Variants in SORCS3 observed in about 807,000 individuals in gnomAD.
The protein encoded by SORCS3 is VPS10 domain-containing receptor SorCS3.
Under a neutral mutation model 146.3 loss-of-function variants are expected in SORCS3, and 57 were observed. The observed-to-expected ratio is 0.39, with a 90% CI of 0.31 to 0.49. SORCS3 has a LOEUF of 0.49. Ranked by LOEUF, SORCS3 falls within the 20% of genes least tolerant of loss-of-function variation. The pLI is 0.92. For synonymous variants in SORCS3, 653 were observed against 618.5 expected (o/e 1.06, Z -0.83); for missense variants, 1,341 against 1,575.5 (o/e 0.85, Z 2.52).
chr10:104,923,653 A>G (rs988001346), intron 3 of SORCS3, among the ~76,000 whole-genome samples: 2 of 152,178 alleles, frequency 1.3e-5, no homozygotes, highest in African/African-American at 4.8e-5. Flanking sequence ...AGAGGACACC[A>G]AGTGTTGCAA....
intron 4 of SORCS3, among the ~76,000 whole-genome samples, chr10:104,995,002 A>G (rs900306793): frequency 1.3e-5 from 2 of 152,150 alleles, no homozygotes; most frequent in Admixed American, 1.3e-4. Flanking sequence ...TTTTAAGAAA[A>G]TGTCAAACCA....
chr10:105,139,618 A>G, intron 8 of SORCS3, 132 bp downstream of exon 8: 4 of 654,366 alleles, frequency 6.1e-6, no homozygotes, highest in Admixed American at 2.4e-5. Flanking sequence ...CTCACCACCA[A>G]GTCGTTTGGC....
At chr10:104,724,349 T>C (rs1048432428) in intron 1 of SORCS3, among the ~76,000 whole-genome samples, 2 of 152,242 alleles carry the variant, frequency 1.3e-5, no homozygotes, top group African/African-American at 4.8e-5. Flanking sequence ...AGATCAGCTG[T>C]TAGTCTGATG....
At chr10:105,153,862 A>G (rs916651980) in intron 9 of SORCS3, among the ~76,000 whole-genome samples, 3 of 151,964 alleles carry the variant, frequency 2.0e-5, no homozygotes, top group Admixed American at 6.6e-5. Flanking sequence ...TGAGGTCAGG[A>G]TTTTGAGACC....
At chr10:105,164,880 A>G (rs553044444) in intron 12 of SORCS3, among the ~76,000 whole-genome samples, 4 of 152,284 alleles carry the variant, frequency 2.6e-5, no homozygotes, top group African/African-American at 9.6e-5. Flanking sequence ...ATATATGAGT[A>G]AGTATGAAAC....
chr10:104,882,954 T>C (rs1254594389), intron 2 of SORCS3, among the ~76,000 whole-genome samples: 2 of 152,226 alleles, frequency 1.3e-5, no homozygotes, highest in Non-Finnish European at 2.9e-5. Flanking sequence ...AAGAAATCAT[T>C]CTGCTTTCCA....
chr10:104,747,821 A>T (rs926175702), intron 1 of SORCS3, among the ~76,000 whole-genome samples: 45 of 152,224 alleles, frequency 3.0e-4, no homozygotes, highest in Non-Finnish European at 5.7e-4. Context: ...GCACTTCCAC[A>T]CTGAGCATGT....
At chr10:104,909,977 G>T (rs1232412638) in intron 2 of SORCS3, among the ~76,000 whole-genome samples, 3 of 152,134 alleles carry the variant, frequency 2.0e-5, no homozygotes, top group Non-Finnish European at 4.4e-5. Context: ...TGGCAGGTCA[G>T]ACTGGGGGTT....
chr10:105,239,591 C>T (rs1419126145), intron 20 of SORCS3, among the ~76,000 whole-genome samples: 1 of 152,086 alleles, frequency 6.6e-6, no homozygotes, highest in Non-Finnish European at 1.5e-5. Flanking sequence ...AGGGATGTAG[C>T]TCACAGCCTA....
chr10:104,944,577 A>G (rs966552693), intron 3 of SORCS3, among the ~76,000 whole-genome samples: 3 of 152,240 alleles, frequency 2.0e-5, no homozygotes, highest in African/African-American at 7.2e-5. Flanking sequence ...CACAGAAGGT[A>G]TCTTAATGAG....
chr10:105,094,790 C>A (rs1460685379), intron 6 of SORCS3, among the ~76,000 whole-genome samples: 1 of 152,158 alleles, frequency 6.6e-6, no homozygotes, highest in East Asian at 1.9e-4. Context: ...AGGAAATTAT[C>A]TGAGCATTCT....
chr10:105,155,524 G>A (rs955273661), intron 9 of SORCS3, among the ~76,000 whole-genome samples: 1 of 152,216 alleles, frequency 6.6e-6, no homozygotes, highest in Non-Finnish European at 1.5e-5. Context: ...CCATCAGGTA[G>A]AAGGTTCTAG....
intron 1 of SORCS3, among the ~76,000 whole-genome samples, chr10:104,720,241 C>T (rs1015240056): frequency 3.3e-5 from 5 of 151,924 alleles, no homozygotes; most frequent in African/African-American, 1.2e-4. Flanking sequence ...GTTTTTTGTC[C>T]TTGCAATAGT....
At chr10:105,014,082 T>TATAC (rs368094008) in intron 4 of SORCS3, among the ~76,000 whole-genome samples, 6,613 of 125,952 alleles carry the variant, frequency 0.053, 168 homozygotes, top group Middle Eastern at 0.086. Context: ...TATATATATA[T>TATAC]ACACACATAT....
At chr10:104,693,055 A>G (rs1168235841) in intron 1 of SORCS3, among the ~76,000 whole-genome samples, 1 of 152,250 alleles carries the variant, frequency 6.6e-6, no homozygotes, top group Non-Finnish European at 1.5e-5. Flanking sequence ...TCATACAGTG[A>G]AGCCTCTTTG....
At chr10:105,227,772 T>A (rs577889137) in intron 20 of SORCS3, among the ~76,000 whole-genome samples, 2 of 152,260 alleles carry the variant, frequency 1.3e-5, no homozygotes, top group East Asian at 3.9e-4. Context: ...CTTGCTGAAT[T>A]GATCCCTTTA....
chr10:104,684,797 T>G (rs2016024488), intron 1 of SORCS3, among the ~76,000 whole-genome samples: 2 of 16,750 alleles, frequency 1.2e-4, no homozygotes, highest in South Asian at 2.3e-3. Context: ...TTTTTTTTTT[T>G]TTTTTTTTTT....
intron 7 of SORCS3, among the ~76,000 whole-genome samples, chr10:105,107,158 C>A (rs114904152): frequency 0.01 from 1,565 of 152,228 alleles, 28 homozygotes; most frequent in African/African-American, 0.036. Context: ...GTGGCACAAC[C>A]CCCTACCAGG....
At chr10:104,921,834 A>G (rs1821821181) in intron 3 of SORCS3, among the ~76,000 whole-genome samples, 1 of 152,108 alleles carries the variant, frequency 6.6e-6, no homozygotes, top group African/African-American at 2.4e-5. Context: ...GTGAGTTGTA[A>G]TCATCACTCT....
Sources: allele counts gnomAD v4.1 joint callset (sites outside exome capture counted in the v4.1 genomes callset), GRCh38; gene constraint gnomAD v4.1.1; transcripts MANE v1.5; gene names NCBI Gene and HGNC (gene_info 2026-07-23, HGNC 2026-07-21).